LRMDA: variants seen among roughly 807,000 people sequenced by gnomAD.
The protein encoded by LRMDA is leucine-rich melanocyte differentiation-associated protein.
In LRMDA, 18 loss-of-function variants were observed where a neutral mutation model predicts 29.8. That is an observed-to-expected ratio of 0.60 (90% confidence interval 0.42 to 0.90). The LOEUF (loss-of-function observed/expected upper bound fraction) is 0.90. LRMDA is among the 40% of genes least tolerant of loss of function. The probability of loss-of-function intolerance (pLI) is 0.00; values close to 1 mark genes in which losing one functional copy is unlikely to be tolerated. For synonymous variants in LRMDA, 125 were observed against 109.4 expected (o/e 1.14, Z -0.89); for missense variants, 273 against 273.9 (o/e 1.00, Z 0.02).
At chr10:76,318,687 CCTGT>C in intron 5 of LRMDA, 1 of 152,236 alleles carries the variant, frequency 6.6e-6, no homozygotes, top group East Asian at 1.9e-4. Context: ...TGCTTTCAAA[CCTGT>C]CTATTATTCC....
intron 2 of LRMDA, among the ~76,000 whole-genome samples, chr10:75,622,752 G>A (rs958922861): frequency 3.9e-5 from 6 of 152,130 alleles, no homozygotes; most frequent in African/African-American, 7.2e-5. Flanking sequence ...AATATGCTTA[G>A]CAAGTAAAAT....
intron 6 of LRMDA, among the ~76,000 whole-genome samples, chr10:76,454,303 T>A (rs1487713609): frequency 2.0e-5 from 3 of 152,120 alleles, no homozygotes; most frequent in African/African-American, 4.8e-5. Flanking sequence ...AATGTTGGAA[T>A]TGAACTAAAA....
chr10:76,128,346 G>A (rs1349418553), intron 5 of LRMDA, among the ~76,000 whole-genome samples: 1 of 152,236 alleles, frequency 6.6e-6, no homozygotes, highest in Non-Finnish European at 1.5e-5. Flanking sequence ...GAAACCCTGA[G>A]TTGGTGTGGA....
At chr10:76,274,416 A>G (rs11001715) in intron 5 of LRMDA, among the ~76,000 whole-genome samples, 14,515 of 152,228 alleles carry the variant, frequency 0.095, 973 homozygotes, top group East Asian at 0.29. Flanking sequence ...TAAAAAAGTG[A>G]GCAGGTCAAT....
At chr10:76,069,631 G>A (rs1848843839) in intron 5 of LRMDA, among the ~76,000 whole-genome samples, 1 of 151,054 alleles carries the variant, frequency 6.6e-6, no homozygotes, top group Non-Finnish European at 1.5e-5. Flanking sequence ...TTGAAGTGGG[G>A]GATATGTACT....
rs142576044 is a variant in LRMDA, at chr10:75,776,628, T to G, written c.132-259380T>G. The stretch of plus-strand genomic sequence containing the variant: ...AGATTGGTTCCCCTAAGTAAATCAA[T>G]TGGACACTATTAGCAAGGGAATTGC... On this transcript the variant is annotated intron_variant, in intron 2 of 6. Transcript: ENST00000611255. Among the ~76,000 whole-genome samples the G allele has an allele frequency of 6.8e-4, 104 of 152,312 alleles. No individual in the cohort carries two copies. In the Middle Eastern group the frequency reaches 0.01, roughly 15 times the overall value.
intron 2 of LRMDA, among the ~76,000 whole-genome samples, chr10:75,772,557 G>A (rs1260583931): frequency 6.6e-6 from 1 of 152,202 alleles, no homozygotes; most frequent in African/African-American, 2.4e-5. Flanking sequence ...TGGAAGAGAA[G>A]TTTGAGTGGG....
Position 76,386,889 on chromosome 10 carries a change from T to C in LRMDA, c.601+62404T>C, listed in dbSNP as rs573667493. Among the ~76,000 whole-genome samples the C allele has an allele frequency of 3.9e-5, 6 of 152,148 alleles. No homozygotes were observed. In the South Asian group the frequency reaches 1.2e-3, roughly 32 times the overall value. On this transcript the variant is annotated intron_variant, in intron 6 of 6. Transcript: ENST00000611255. ...ACAACAACAAAAAATCCAGTAGAAATGTTGGACAAAAGATGTGATTATACA... is the reference window on the plus strand; with the variant it reads ...ACAACAACAAAAAATCCAGTAGAAACGTTGGACAAAAGATGTGATTATACA...
At chr10:76,441,734 C>A (rs1442325331) in intron 6 of LRMDA, among the ~76,000 whole-genome samples, 1 of 152,156 alleles carries the variant, frequency 6.6e-6, no homozygotes, top group Non-Finnish European at 1.5e-5. Context: ...TCCTCTTGTT[C>A]TTCTTTCAAA....
chr10:76,195,549 C>T (rs1392436658), intron 5 of LRMDA, among the ~76,000 whole-genome samples: 1 of 152,116 alleles, frequency 6.6e-6, no homozygotes, highest in Non-Finnish European at 1.5e-5. Flanking sequence ...TTCTTCTTTC[C>T]AGGACGTCTT....
At chr10:75,804,124 G>T (rs1294618207) in intron 2 of LRMDA, among the ~76,000 whole-genome samples, 1 of 152,176 alleles carries the variant, frequency 6.6e-6, no homozygotes, top group Non-Finnish European at 1.5e-5. Context: ...TCCTCCCCAA[G>T]GAGGCTCCTG....
intron 2 of LRMDA, among the ~76,000 whole-genome samples, chr10:75,913,183 G>A (rs1396030547): frequency 6.6e-6 from 1 of 152,152 alleles, no homozygotes; most frequent in Admixed American, 6.5e-5. Flanking sequence ...TTCTGGCTGG[G>A]TACAGTGGCT....
chr10:75,500,980 A>G (rs553733429), intron 2 of LRMDA, among the ~76,000 whole-genome samples: 1 of 152,290 alleles, frequency 6.6e-6, no homozygotes, highest in East Asian at 1.9e-4. Flanking sequence ...AGTCTCCTGG[A>G]CAGATTCTCA....
chr10:76,383,926 T>A (rs1841627741), intron 6 of LRMDA, among the ~76,000 whole-genome samples: 1 of 152,166 alleles, frequency 6.6e-6, no homozygotes, highest in Non-Finnish European at 1.5e-5. Flanking sequence ...TGTCAGTGTG[T>A]CACTTTCCTT....
intron 2 of LRMDA, among the ~76,000 whole-genome samples, chr10:75,832,849 A>G (rs528774460): frequency 4.1e-4 from 63 of 152,312 alleles, no homozygotes; most frequent in Middle Eastern, 3.4e-3. Flanking sequence ...AGACCCATTC[A>G]CTATCACGAG....
intron 2 of LRMDA, among the ~76,000 whole-genome samples, chr10:75,986,480 T>C (rs578212093): frequency 1.3e-5 from 2 of 152,380 alleles, no homozygotes; most frequent in African/African-American, 4.8e-5. Context: ...GTCATATGAA[T>C]GGCTCCAAGA....
intron 6 of LRMDA, among the ~76,000 whole-genome samples, chr10:76,503,156 A>G (rs922131781): frequency 2.6e-5 from 4 of 151,856 alleles, no homozygotes; most frequent in South Asian, 4.1e-4. Context: ...AGATGATCCT[A>G]TGGCTTTTGG....
chr10:75,461,756 G>A (rs11001398), intron 2 of LRMDA, among the ~76,000 whole-genome samples: 25 of 152,150 alleles, frequency 1.6e-4, no homozygotes, highest in Non-Finnish European at 1.2e-4. Context: ...AGAACACCTC[G>A]TGGGGAGGGG....
intron 6 of LRMDA, among the ~76,000 whole-genome samples, chr10:76,442,242 A>T (rs1842311198): frequency 6.6e-6 from 1 of 152,222 alleles, no homozygotes; most frequent in South Asian, 2.1e-4. Context: ...AGTAGAATGA[A>T]GTAACTGACG....
Sources: gnomAD v4.1 joint callset for allele counts (sites outside exome capture counted in the v4.1 genomes callset) on GRCh38, gnomAD v4.1.1 for gene constraint, MANE v1.5 for transcripts, NCBI Gene and HGNC (gene_info 2026-07-23, HGNC 2026-07-21) for gene names.